The following INPP4B variants were observed in gnomAD, a reference collection of about 807,000 sequenced individuals.
INPP4B encodes inositol polyphosphate-4-phosphatase type II B.
INPP4B carries 55 observed loss-of-function variants against 122.5 expected under a neutral mutation model. That is an observed-to-expected ratio of 0.45 (90% CI 0.36 to 0.56). The LOEUF is 0.56. Among genes scored for constraint, INPP4B ranks in the 20% least tolerant of loss-of-function variants. The pLI is 0.00. For synonymous variants in INPP4B, 403 were observed against 388.7 expected (o/e 1.04, Z -0.43); for missense variants, 1,000 against 1,097.7 (o/e 0.91, Z 1.26).
At chr4:142,238,145 A>T (rs951565085) in intron 11 of INPP4B, 134 bp from the exon 12 acceptor site, 6 of 472,642 alleles carry the variant, frequency 1.3e-5, no homozygotes, top group Non-Finnish European at 2.3e-5. Context: ...TTTAAATCAA[A>T]ATCCATTAGT....
intron 7 of INPP4B, among the ~76,000 whole-genome samples, chr4:142,380,747 C>T (rs890198624): frequency 6.6e-6 from 1 of 151,874 alleles, no homozygotes; most frequent in African/African-American, 2.4e-5. Context: ...TTTCTGCATA[C>T]TCATAATAGT....
At chr4:142,087,229 C>A (rs1777301966) in intron 23 of INPP4B, among the ~76,000 whole-genome samples, 1 of 152,042 alleles carries the variant, frequency 6.6e-6, no homozygotes, top group South Asian at 2.1e-4. Flanking sequence ...TGCTTGAGAA[C>A]CAGCACTATA....
At chr4:142,492,290 C>T (rs1172982542) in intron 2 of INPP4B, among the ~76,000 whole-genome samples, 3 of 151,896 alleles carry the variant, frequency 2.0e-5, no homozygotes, top group Non-Finnish European at 4.4e-5. Flanking sequence ...GAGATTGGTA[C>T]CACAGAGAGA....
intron 2 of INPP4B, among the ~76,000 whole-genome samples, chr4:142,632,330 C>A (rs1748152065): frequency 6.6e-6 from 1 of 151,940 alleles, no homozygotes; most frequent in African/African-American, 2.4e-5. Flanking sequence ...GTGAAACAAG[C>A]CATGCACAGA....
intron 10 of INPP4B, among the ~76,000 whole-genome samples, chr4:142,269,654 A>G (rs998900902): frequency 3.3e-5 from 5 of 152,152 alleles, no homozygotes; most frequent in Non-Finnish European, 5.9e-5. Context: ...ATTGAGCAAA[A>G]TGGTTACTGT....
rs554606350 is a variant in INPP4B, at chr4:142,356,524, G to C, written c.373-41762C>G. On this transcript the variant is annotated intron_variant, in intron 7 of 25. Coordinates refer to ENST00000262992, the MANE Select transcript of INPP4B (RefSeq NM_001101669.3). Reference sequence around the variant, plus strand: ...AGACCAGGACCTGCAGGAGTGATGAGGAGCTGGGAGGATAAAAGGTTGCTC... The same window carrying C: ...AGACCAGGACCTGCAGGAGTGATGACGAGCTGGGAGGATAAAAGGTTGCTC... Among the ~76,000 whole-genome samples the C allele has an allele frequency of 2.0e-5, 3 of 151,948 alleles. No individual in the cohort carries two copies. In the East Asian group the frequency reaches 5.9e-4, roughly 30 times the overall value.
At chr4:142,814,364 G>T (rs1451662460) in intron 1 of INPP4B, among the ~76,000 whole-genome samples, 21 of 152,086 alleles carry the variant, frequency 1.4e-4, no homozygotes, top group African/African-American at 3.9e-4. Flanking sequence ...GAAATAATTG[G>T]CAAACATGTT....
At chr4:142,335,854 C>T (rs1776386836) in intron 7 of INPP4B, among the ~76,000 whole-genome samples, 1 of 152,076 alleles carries the variant, frequency 6.6e-6, no homozygotes, top group African/African-American at 2.4e-5. Flanking sequence ...AAATTCCTCG[C>T]CAGACAAGGG....
In INPP4B at chr4:142,193,166, C is replaced by T. The variant is rs758982158; in HGVS notation, c.1102G>A (p.Ala368Thr). The T allele has an allele frequency of 1.9e-6, 3 of 1,611,982 alleles. No individual in the cohort carries two copies. Among genetic ancestry groups the T allele is most frequent in the East Asian group, 2.2e-5 (1 of 44,860 alleles). The change falls in exon 15 of 26, where the codon GCC becomes ACC. Residue 368 changes from alanine (A) to threonine (T), a missense_variant. Ala to Thr is a moderately conservative substitution (Grantham distance 58, BLOSUM62 0). Transcript: ENST00000262992. Reference protein sequence around the residue: ...DALYDVITVGAPAAHFQGFKN... With the variant: ...DALYDVITVGTPAAHFQGFKN... ...AATCCCTGAAAATGGGCAGCTGGGGCTCCCACAGTGATGACATCGTAGAGA... is the reference window on the plus strand; with the variant it reads ...AATCCCTGAAAATGGGCAGCTGGGGTTCCCACAGTGATGACATCGTAGAGA...
At chr4:142,200,490 T>C (rs564333701) in intron 14 of INPP4B, among the ~76,000 whole-genome samples, 4 of 152,146 alleles carry the variant, frequency 2.6e-5, no homozygotes, top group African/African-American at 4.8e-5. Context: ...GACTAGAAAA[T>C]ACGTGTCCTA....
At chr4:142,788,099 C>T (rs979106856) in intron 1 of INPP4B, among the ~76,000 whole-genome samples, 2 of 151,976 alleles carry the variant, frequency 1.3e-5, no homozygotes, top group African/African-American at 2.4e-5. Flanking sequence ...GTCTCAAAAA[C>T]GCTGACCCAT....
chr4:142,270,386 C>T (rs543148999), intron 10 of INPP4B, among the ~76,000 whole-genome samples: 4 of 152,190 alleles, frequency 2.6e-5, no homozygotes, highest in Non-Finnish European at 4.4e-5. Flanking sequence ...ATGATCAATA[C>T]TTTTGTTCCA....
intron 2 of INPP4B, among the ~76,000 whole-genome samples, chr4:142,675,627 C>A (rs1437562693): frequency 6.6e-6 from 1 of 152,160 alleles, no homozygotes; most frequent in Non-Finnish European, 1.5e-5. Flanking sequence ...AATCCAGCAG[C>A]ACATCAAAAA....
chr4:142,362,998 A>G (rs1786035220), intron 7 of INPP4B, among the ~76,000 whole-genome samples: 1 of 152,050 alleles, frequency 6.6e-6, no homozygotes, highest in Non-Finnish European at 1.5e-5. Flanking sequence ...ATTTAAAATA[A>G]CAGCAACAAA....
chr4:142,680,984 C>A (rs1466270352), intron 2 of INPP4B, among the ~76,000 whole-genome samples: 1 of 151,850 alleles, frequency 6.6e-6, no homozygotes, highest in Non-Finnish European at 1.5e-5. Context: ...TATTATTTCC[C>A]CTTCAATAAA....
At chr4:142,554,343 A>G (rs1235357395) in intron 2 of INPP4B, among the ~76,000 whole-genome samples, 2 of 143,518 alleles carry the variant, frequency 1.4e-5, no homozygotes, top group Non-Finnish European at 3.0e-5. Context: ...GTCCAGTACT[A>G]TTATTTTCTC....
chr4:142,709,421 C>G (rs929588434), intron 2 of INPP4B, among the ~76,000 whole-genome samples: 5 of 152,118 alleles, frequency 3.3e-5, no homozygotes, highest in Non-Finnish European at 7.4e-5. Context: ...ATTTGTGTCC[C>G]TGCCCAAATC....
intron 2 of INPP4B, among the ~76,000 whole-genome samples, chr4:142,716,415 T>C (rs543326868): frequency 1.3e-5 from 2 of 152,208 alleles, no homozygotes; most frequent in Non-Finnish European, 2.9e-5. Flanking sequence ...GCTCATTCAT[T>C]CTGTATCTTG....
chr4:142,698,673 T>G (rs555059081), intron 2 of INPP4B, among the ~76,000 whole-genome samples: 1 of 152,310 alleles, frequency 6.6e-6, no homozygotes, highest in Non-Finnish European at 1.5e-5. Context: ...CAAAGACTTT[T>G]CCTGGCAGAC....
Sources: gnomAD v4.1 joint callset for allele counts (sites outside exome capture counted in the v4.1 genomes callset) on GRCh38, gnomAD v4.1.1 for gene constraint, MANE v1.5 for transcripts, NCBI Gene and HGNC (gene_info 2026-07-23, HGNC 2026-07-21) for gene names.